Variants in TCF7L1 observed in about 807,000 individuals in gnomAD.
TCF7L1 encodes the protein transcription factor 7 like 1, also known as transcription factor 7-like 1.
Under a neutral mutation model 63.7 loss-of-function variants are expected in TCF7L1, and 18 were observed. That is an observed-to-expected ratio of 0.28 (90% CI 0.20 to 0.42). The LOEUF is 0.42. TCF7L1 is among the 10% of genes least tolerant of loss of function. The probability of loss-of-function intolerance (pLI) is 1.00; values close to 1 mark genes in which losing one functional copy is unlikely to be tolerated. For synonymous variants in TCF7L1, 355 were observed against 340.9 expected (o/e 1.04, Z -0.46); for missense variants, 654 against 779.3 (o/e 0.84, Z 1.91).
Position 85,134,564 on chromosome 2 carries a change from A to T in TCF7L1, c.441+114A>T. On this transcript the variant is annotated intron_variant, in intron 3 of 11. Transcript: ENST00000282111. This position sits in a 1 kb window ranked among gnomAD's most constrained non-coding sequence, Gnocchi z 5.0. ...GCCTTCTGCGCCGATCCCAAGCAGA[A>T]CTTGTTTGCGGAGTTGAACTACTCT... The T allele has an allele frequency of 7.2e-7, 1 of 1,380,172 alleles. No individual in the cohort carries two copies. Among genetic ancestry groups the T allele is most frequent in the Non-Finnish European group, 9.6e-7 (1 of 1,046,126 alleles). 85.5% of individuals were successfully genotyped at this position (1,380,172 alleles called of 1,614,324 possible).
Position 85,309,886 on chromosome 2 carries a change from C to T in TCF7L1, c.*424C>T, listed in dbSNP as rs529033891. 4.6e-4 allele frequency: 78 copies of T among 167,794 alleles called. 1 individual carries two copies. In the South Asian group the frequency reaches 0.012, roughly 25 times the overall value. The allele number at this position is 167,794 out of a possible 1,614,324, so 10.4% of individuals were successfully genotyped here. ...CCTGTTACCCAGCCCAAGTTTTCATCGTCTGCTCAATACCGTGGGTTCTTC... is the reference window on the plus strand; with the variant it reads ...CCTGTTACCCAGCCCAAGTTTTCATTGTCTGCTCAATACCGTGGGTTCTTC... On this transcript the variant is annotated 3_prime_UTR_variant, in exon 12 of 12. Coordinates refer to ENST00000282111, the MANE Select transcript of TCF7L1 (RefSeq NM_031283.3).
At chr2:85,193,483 A>C (rs1223302759) in intron 3 of TCF7L1, among the ~76,000 whole-genome samples, 1 of 152,168 alleles carries the variant, frequency 6.6e-6, no homozygotes, top group Non-Finnish European at 1.5e-5. Context: ...CCAGGAGTTC[A>C]AGACCAGCCT....
chr2:85,221,874 A>G (rs1679846872), intron 3 of TCF7L1, among the ~76,000 whole-genome samples: 1 of 152,008 alleles, frequency 6.6e-6, no homozygotes, highest in African/African-American at 2.4e-5. Context: ...CAGAAATACA[A>G]TTCAGAAGAA....
chr2:85,139,345 C>T (rs1574074909), intron 3 of TCF7L1, among the ~76,000 whole-genome samples: 1 of 152,156 alleles, frequency 6.6e-6, no homozygotes. Flanking sequence ...AACTCTTAAA[C>T]TTCTTCAACT....
At chr2:85,192,584 T>A (rs920796197) in intron 3 of TCF7L1, among the ~76,000 whole-genome samples, 1 of 152,110 alleles carries the variant, frequency 6.6e-6, no homozygotes, top group Non-Finnish European at 1.5e-5. Flanking sequence ...GTTTTCAGCA[T>A]GTTGTTCAGG....
intron 4 of TCF7L1, among the ~76,000 whole-genome samples, chr2:85,293,982 C>A (rs6718291): frequency 0.5 from 74,209 of 147,916 alleles, 19,369 homozygotes; most frequent in East Asian, 0.9. Flanking sequence ...TGAACCCCAC[C>A]CCTAGAGTTT....
intron 3 of TCF7L1, among the ~76,000 whole-genome samples, chr2:85,279,200 A>C (rs1369608452): frequency 6.6e-6 from 1 of 152,206 alleles, no homozygotes; most frequent in Non-Finnish European, 1.5e-5. Flanking sequence ...TACTTCCCCA[A>C]GGACATGCTC....
chr2:85,179,640 C>T (rs1204925266), intron 3 of TCF7L1, among the ~76,000 whole-genome samples: 1 of 152,184 alleles, frequency 6.6e-6, no homozygotes, highest in African/African-American at 2.4e-5. Context: ...TTGCTCTGCT[C>T]ACACCTTTCA....
At chr2:85,188,185 T>C (rs1353217813) in intron 3 of TCF7L1, among the ~76,000 whole-genome samples, 1 of 152,154 alleles carries the variant, frequency 6.6e-6, no homozygotes, top group African/African-American at 2.4e-5. Flanking sequence ...AATCTGGTGG[T>C]AATGGTACAG....
At chr2:85,151,366 T>C (rs555874820) in intron 3 of TCF7L1, among the ~76,000 whole-genome samples, 1 of 152,340 alleles carries the variant, frequency 6.6e-6, no homozygotes, top group South Asian at 2.1e-4. Flanking sequence ...TAGATTTAGA[T>C]TTTTGGTCAA....
At chr2:85,290,953 C>A (rs957348676) in intron 4 of TCF7L1, among the ~76,000 whole-genome samples, 1 of 152,238 alleles carries the variant, frequency 6.6e-6, no homozygotes, top group Non-Finnish European at 1.5e-5. Context: ...CCTTGTGAAT[C>A]CCCTCTTGGG....
chr2:85,196,367 C>T (rs1326981846), intron 3 of TCF7L1, among the ~76,000 whole-genome samples: 1 of 152,234 alleles, frequency 6.6e-6, no homozygotes, highest in Non-Finnish European at 1.5e-5. Flanking sequence ...GTAGCTAGGA[C>T]TATAGGCGCA....
chr2:85,288,410 C>T (rs968129527), intron 4 of TCF7L1, among the ~76,000 whole-genome samples: 1 of 152,174 alleles, frequency 6.6e-6, no homozygotes, highest in African/African-American at 2.4e-5. Context: ...CAGTTTACTC[C>T]ATGCGGCTCT....
At chr2:85,261,288 C>G (rs969460145) in intron 3 of TCF7L1, among the ~76,000 whole-genome samples, 1 of 152,178 alleles carries the variant, frequency 6.6e-6, no homozygotes, top group African/African-American at 2.4e-5. Flanking sequence ...GGCCTGTACA[C>G]AAGGGCATGG....
At chr2:85,169,181 G>A (rs1276915299) in intron 3 of TCF7L1, among the ~76,000 whole-genome samples, 2 of 151,870 alleles carry the variant, frequency 1.3e-5, no homozygotes, top group Admixed American at 6.6e-5. Context: ...GACCTCACTC[G>A]GTCAGGTCAG....
intron 3 of TCF7L1, among the ~76,000 whole-genome samples, chr2:85,282,638 A>G (rs1573024556): frequency 6.6e-6 from 1 of 152,280 alleles, no homozygotes; most frequent in East Asian, 1.9e-4. Context: ...ATTCAGGGTC[A>G]CACAGCCTAT....
chr2:85,138,648 G>A (rs964714141), intron 3 of TCF7L1, among the ~76,000 whole-genome samples: 3 of 152,158 alleles, frequency 2.0e-5, no homozygotes, highest in Admixed American at 1.3e-4. Context: ...CTGGGAACCT[G>A]TCAATCTTTT....
intron 3 of TCF7L1, among the ~76,000 whole-genome samples, chr2:85,155,504 C>A (rs984303099): frequency 6.6e-6 from 1 of 152,286 alleles, no homozygotes; most frequent in African/African-American, 2.4e-5. Flanking sequence ...CTGGAAGGAA[C>A]CAATTCTGGA....
At chr2:85,165,568 C>T (rs1197252163) in intron 3 of TCF7L1, among the ~76,000 whole-genome samples, 1 of 152,134 alleles carries the variant, frequency 6.6e-6, no homozygotes, top group Non-Finnish European at 1.5e-5. Flanking sequence ...GCCCGAGTGG[C>T]GTGTGTTGGA....
Sources: allele counts gnomAD v4.1 joint callset (sites outside exome capture counted in the v4.1 genomes callset), GRCh38; gene constraint gnomAD v4.1.1; non-coding constraint Gnocchi (gnomAD v3.1); transcripts MANE v1.5; gene names NCBI Gene and HGNC (gene_info 2026-07-23, HGNC 2026-07-21).